GRM8: variants seen among roughly 807,000 people sequenced by gnomAD.
GRM8 encodes the protein glutamate metabotropic receptor 8.
Under a neutral mutation model 87.2 loss-of-function variants are expected in GRM8, and 47 were observed. The observed-to-expected ratio is 0.54, with a 90% confidence interval of 0.43 to 0.69. GRM8 has a LOEUF of 0.69. GRM8 is among the 30% of genes least tolerant of loss of function. The pLI, the probability that GRM8 is intolerant of heterozygous loss-of-function variation, is 0.00. For synonymous variants in GRM8, 396 were observed against 404.5 expected, an observed-to-expected ratio of 0.98 and a Z score of 0.25; for missense variants, 1,019 against 1,139.2, an observed-to-expected ratio of 0.89 and a Z score of 1.52.
At chr7:126,464,313 C>T (rs759489033) in intron 9 of GRM8, among the ~76,000 whole-genome samples, 9 of 151,658 alleles carry the variant, frequency 5.9e-5, no homozygotes, top group Non-Finnish European at 1.2e-4. Context: ...TGTATTTTAC[C>T]ATTCCTTTAT....
chr7:127,104,054 A>G (rs1299333115), intron 3 of GRM8, among the ~76,000 whole-genome samples: 2 of 152,194 alleles, frequency 1.3e-5, no homozygotes, highest in Non-Finnish European at 2.9e-5. Context: ...TCATTTCACC[A>G]TCATTCCATT....
intron 2 of GRM8, among the ~76,000 whole-genome samples, chr7:127,223,419 T>A (rs1268750346): frequency 6.7e-6 from 1 of 148,332 alleles, no homozygotes; most frequent in Non-Finnish European, 1.5e-5. Context: ...ACCACTCTAC[T>A]CGAAACACAC....
chr7:126,725,798 C>T (rs1001617546), intron 7 of GRM8, among the ~76,000 whole-genome samples: 7 of 152,086 alleles, frequency 4.6e-5, no homozygotes, highest in Non-Finnish European at 7.3e-5. Context: ...GAAGGCAAAG[C>T]GGGAACAAGC....
chr7:126,717,330 G>A (rs746724326), intron 7 of GRM8, among the ~76,000 whole-genome samples: 1 of 152,150 alleles, frequency 6.6e-6, no homozygotes, highest in Non-Finnish European at 1.5e-5. Flanking sequence ...GGCTTGTGGG[G>A]TGGAGGGTGA....
chr7:126,486,510 C>G (rs936242578), intron 9 of GRM8, among the ~76,000 whole-genome samples: 1 of 151,990 alleles, frequency 6.6e-6, no homozygotes, highest in African/African-American at 2.4e-5. Context: ...GTTACACTTC[C>G]CAGCCTGTCA....
At chr7:127,210,164 A>G (rs754684079) in intron 2 of GRM8, among the ~76,000 whole-genome samples, 3 of 152,212 alleles carry the variant, frequency 2.0e-5, no homozygotes, top group Admixed American at 6.5e-5. Flanking sequence ...CAGTAGCTCA[A>G]TGCCTGGATT....
chr7:126,768,128 A>G (rs775195015), intron 7 of GRM8, among the ~76,000 whole-genome samples: 2 of 151,968 alleles, frequency 1.3e-5, no homozygotes, highest in Non-Finnish European at 2.9e-5. Context: ...CTAAATCCCT[A>G]TATTAGGGAA....
intron 3 of GRM8, among the ~76,000 whole-genome samples, chr7:127,062,905 T>A (rs1820756898): frequency 6.6e-6 from 1 of 152,172 alleles, no homozygotes; most frequent in Non-Finnish European, 1.5e-5. Flanking sequence ...TCCTTTCTTA[T>A]CTTCTTTATT....
At chr7:126,566,608 G>T (rs1371711759) in intron 8 of GRM8, among the ~76,000 whole-genome samples, 1 of 152,146 alleles carries the variant, frequency 6.6e-6, no homozygotes, top group Admixed American at 6.6e-5. Context: ...AGTCGCTATG[G>T]AATACAGCAT....
chr7:127,206,685 T>C (rs1795931930), intron 2 of GRM8, among the ~76,000 whole-genome samples: 1 of 152,112 alleles, frequency 6.6e-6, no homozygotes, highest in East Asian at 1.9e-4. Context: ...AGCAATCTTC[T>C]CATCTGTAAT....
intron 8 of GRM8, among the ~76,000 whole-genome samples, chr7:126,535,636 A>C (rs1433419712): frequency 1.3e-5 from 2 of 152,220 alleles, no homozygotes; most frequent in Non-Finnish European, 2.9e-5. Context: ...ACTAGGTTGC[A>C]GGTCGCTGCC....
chr7:126,663,883 C>A (rs774956618), intron 7 of GRM8, among the ~76,000 whole-genome samples: 1 of 152,050 alleles, frequency 6.6e-6, no homozygotes, highest in African/African-American at 2.4e-5. Context: ...TATTCTATAC[C>A]TAGAAAACCA....
intron 2 of GRM8, among the ~76,000 whole-genome samples, chr7:127,156,249 G>A (rs1204582919): frequency 6.6e-6 from 1 of 152,124 alleles, no homozygotes; most frequent in African/African-American, 2.4e-5. Context: ...TCTTACCACT[G>A]GGGTGGAAGA....
chr7:126,982,598 T>C (rs2131868353), intron 3 of GRM8, among the ~76,000 whole-genome samples: 1 of 152,280 alleles, frequency 6.6e-6, no homozygotes, highest in South Asian at 2.1e-4. Flanking sequence ...GGATATGAGG[T>C]CAATAAATCT....
chr7:126,446,187 T>G lies in GRM8; in HGVS notation c.2616A>C (p.Lys872Asn). Residue 872 changes from lysine (K) to asparagine (N), a missense_variant, in exon 10 of 11, where the codon AAA becomes AAC. Coordinates refer to ENST00000339582, the MANE Select transcript of GRM8 (RefSeq NM_000845.3). ...AATMQSKLIQ[K>N]GNDRPNGEVK... ...CCTCGCCATTTGGTCTGTCATTTCC[T>G]TTTTGGATCAGTTTGCTTTGCATGG... 4 of 1,612,986 alleles carry G rather than the reference T, an allele frequency of 2.5e-6. No homozygotes were observed. Among genetic ancestry groups the G allele is most frequent in the Admixed American group, 3.3e-5 (2 of 59,862 alleles).
rs1190116222 is a variant in GRM8 at position 127,019,381 on chromosome 7, TC to T, written c.727+87114del. 2.0e-5 allele frequency among the ~76,000 whole-genome samples: 3 copies of T among 152,172 alleles called. No individual in the cohort carries two copies. In the East Asian group the frequency reaches 5.8e-4, roughly 30 times the overall value. ...GTAATGGGAGTGTTGTTCTGAGAGC[TC>T]AGCCAGGTGCTATAGCAAATGGTTA... On this transcript the variant is annotated intron_variant, in intron 3 of 10. Coordinates refer to ENST00000339582, the MANE Select transcript of GRM8 (RefSeq NM_000845.3).
intron 3 of GRM8, among the ~76,000 whole-genome samples, chr7:127,033,983 T>C (rs931026406): frequency 5.9e-5 from 9 of 152,206 alleles, no homozygotes; most frequent in Non-Finnish European, 1.2e-4. Flanking sequence ...TCTAATGGAA[T>C]AGTTTTCTGA....
At chr7:127,006,035 C>T (rs1380392719) in intron 3 of GRM8, among the ~76,000 whole-genome samples, 1 of 151,838 alleles carries the variant, frequency 6.6e-6, no homozygotes, top group Non-Finnish European at 1.5e-5. Context: ...AATACTCCCT[C>T]CTTCCACCGT....
intron 7 of GRM8, among the ~76,000 whole-genome samples, chr7:126,738,001 G>A (rs769456324): frequency 2.6e-5 from 4 of 152,032 alleles, no homozygotes; most frequent in Non-Finnish European, 5.9e-5. Flanking sequence ...AAGGTGAAAT[G>A]GGGTTTTGAA....
Sources: allele counts gnomAD v4.1 joint callset (sites outside exome capture counted in the v4.1 genomes callset), GRCh38; gene constraint gnomAD v4.1.1; transcripts MANE v1.5; gene names NCBI Gene and HGNC (gene_info 2026-07-23, HGNC 2026-07-21).